SMIM35: variants seen among roughly 807,000 people sequenced by gnomAD.
SMIM35 encodes the protein small integral membrane protein 35, also known as TMPRSS4 antisense RNA 1 (non-protein coding).
At chr11:118,052,674 C>T (rs1259439168) in intron 1 of SMIM35, among the ~76,000 whole-genome samples, 4 of 152,096 alleles carry the variant, frequency 2.6e-5, no homozygotes, top group African/African-American at 9.7e-5. Flanking sequence ...CTTCCAGCCA[C>T]ATCCCACGAC....
At chr11:118,033,308 G>A (rs560811427) in intron 1 of SMIM35, among the ~76,000 whole-genome samples, 5 of 152,244 alleles carry the variant, frequency 3.3e-5, no homozygotes, top group East Asian at 3.9e-4. Context: ...TTAGGTCTAC[G>A]TTTCGATGAC....
intron 1 of SMIM35, among the ~76,000 whole-genome samples, chr11:118,027,311 G>T (rs1339668760): frequency 2.0e-5 from 3 of 150,044 alleles, no homozygotes; most frequent in Non-Finnish European, 4.4e-5. Context: ...ACAGGCGTGA[G>T]CCACCGCGCC....
chr11:118,066,786 C>G (rs1358462720), intron 1 of SMIM35, among the ~76,000 whole-genome samples: 1 of 150,718 alleles, frequency 6.6e-6, no homozygotes, highest in African/African-American at 2.4e-5. Context: ...GATCCTGCCA[C>G]TGCACTCCAG....
chr11:118,056,653 A>G (rs768711261), intron 1 of SMIM35, among the ~76,000 whole-genome samples: 23 of 152,104 alleles, frequency 1.5e-4, no homozygotes, highest in Non-Finnish European at 2.6e-4. Context: ...CCAGGAGGAG[A>G]ATAAAAGCAA....
At chr11:118,045,290 G>A (rs1944079594) in intron 1 of SMIM35, among the ~76,000 whole-genome samples, 1 of 148,992 alleles carries the variant, frequency 6.7e-6, no homozygotes, top group Non-Finnish European at 1.5e-5. Flanking sequence ...AGTTGCAGAA[G>A]AATAGATATC....
chr11:118,031,980 AAT>A (rs2058323671), intron 1 of SMIM35: 1 of 151,996 alleles, frequency 6.6e-6, no homozygotes, highest in Non-Finnish European at 1.5e-5. Flanking sequence ...CTAACAAAAA[AAT>A]ACAAAAAAAA....
intron 4 of SMIM35, among the ~76,000 whole-genome samples, chr11:118,012,122 A>G (rs949405714): frequency 4.6e-5 from 7 of 152,174 alleles, no homozygotes; most frequent in African/African-American, 7.2e-5. Context: ...CACTTGCTCT[A>G]TTGGGCTCCT....
intron 1 of SMIM35, among the ~76,000 whole-genome samples, chr11:118,053,262 C>T (rs1051545142): frequency 2.0e-5 from 3 of 151,604 alleles, no homozygotes; most frequent in African/African-American, 7.3e-5. Context: ...GAGCCGAGAT[C>T]ATGCCGTTGC....
intron 1 of SMIM35, among the ~76,000 whole-genome samples, chr11:118,067,738 G>A (rs959294057): frequency 6.6e-6 from 1 of 150,862 alleles, no homozygotes; most frequent in Non-Finnish European, 1.5e-5. Flanking sequence ...AGGCTGAGGT[G>A]GGAGAATCGC....
At chr11:118,072,926 C>T (rs1383585875) in intron 1 of SMIM35, among the ~76,000 whole-genome samples, 3 of 152,292 alleles carry the variant, frequency 2.0e-5, no homozygotes, top group East Asian at 3.9e-4. Flanking sequence ...CTTGTGTTGT[C>T]GTTGTTGTTT....
chr11:118,012,203 A>G (rs1032636109), intron 4 of SMIM35, among the ~76,000 whole-genome samples: 3 of 152,222 alleles, frequency 2.0e-5, no homozygotes, highest in African/African-American at 7.2e-5. Context: ...CAGCAGTGAC[A>G]GGCTCCCTTC....
At chr11:118,037,418 A>G (rs1466501138) in intron 1 of SMIM35, among the ~76,000 whole-genome samples, 1 of 152,188 alleles carries the variant, frequency 6.6e-6, no homozygotes, top group Non-Finnish European at 1.5e-5. Context: ...TAGAGGTCCT[A>G]AGAAGGGGAG....
At chr11:118,031,103 A>C (rs2058316047) in intron 1 of SMIM35, among the ~76,000 whole-genome samples, 1 of 152,238 alleles carries the variant, frequency 6.6e-6, no homozygotes, top group African/African-American at 2.4e-5. Context: ...TGTTGGAAAA[A>C]AGAGTTACAA....
intron 1 of SMIM35, among the ~76,000 whole-genome samples, chr11:118,086,483 C>T (rs1052854341): frequency 2.5e-4 from 38 of 152,284 alleles, no homozygotes; most frequent in Non-Finnish European, 2.1e-4. Context: ...AATGACTCAA[C>T]GCAAGGCAGT....
chr11:118,029,351 G>T (rs1457924745), intron 1 of SMIM35, among the ~76,000 whole-genome samples: 1 of 152,214 alleles, frequency 6.6e-6, no homozygotes, highest in African/African-American at 2.4e-5. Flanking sequence ...AGCTACTCAG[G>T]AGACTGAGGT....
intron 1 of SMIM35, among the ~76,000 whole-genome samples, chr11:118,048,819 T>A (rs747360308): frequency 1.3e-5 from 2 of 151,416 alleles, no homozygotes; most frequent in Non-Finnish European, 2.9e-5. Flanking sequence ...AGGTGCTTTC[T>A]AGAAAGGACA....
chr11:118,044,431 G>T (rs1182721329), intron 1 of SMIM35, among the ~76,000 whole-genome samples: 1 of 151,912 alleles, frequency 6.6e-6, no homozygotes, highest in African/African-American at 2.4e-5. Flanking sequence ...CTAAAGCCAG[G>T]AGATCTTGCA....
At chr11:118,038,700 C>CA (rs59464765) in intron 1 of SMIM35, among the ~76,000 whole-genome samples, 6,800 of 134,452 alleles carry the variant, frequency 0.051, 228 homozygotes, top group East Asian at 0.2. Flanking sequence ...AGCAAAAAAA[C>CA]AAAAAAAAAA....
intron 1 of SMIM35, among the ~76,000 whole-genome samples, chr11:118,065,575 A>T (rs892954877): frequency 6.6e-6 from 1 of 152,164 alleles, no homozygotes; most frequent in African/African-American, 2.4e-5. Flanking sequence ...AGACATTTGC[A>T]TAGGGTGTAA....
Sources: allele counts gnomAD v4.1 joint callset (sites outside exome capture counted in the v4.1 genomes callset), GRCh38; gene constraint gnomAD v4.1.1; transcripts MANE v1.5; gene names NCBI Gene and HGNC (gene_info 2026-07-23, HGNC 2026-07-21).